DOCK4: variants seen among roughly 807,000 people sequenced by gnomAD.
The protein encoded by DOCK4 is dedicator of cytokinesis protein 4.
DOCK4 carries 97 observed loss-of-function variants against 268.1 expected under a neutral mutation model. The observed-to-expected ratio is 0.36, with a 90% CI of 0.31 to 0.43. The LOEUF is 0.43. DOCK4 is among the 20% of genes least tolerant of loss of function. The pLI, the probability that DOCK4 is intolerant of heterozygous loss-of-function variation, is 1.00. For synonymous variants in DOCK4, 954 were observed against 887.2 expected, an observed-to-expected ratio of 1.08 and a Z score of -1.34; for missense variants, 2,145 against 2,455.7, an observed-to-expected ratio of 0.87 and a Z score of 2.67.
At chr7:112,164,685 C>T (rs559761082) in intron 1 of DOCK4, among the ~76,000 whole-genome samples, 1 of 152,160 alleles carries the variant, frequency 6.6e-6, no homozygotes, top group Admixed American at 6.5e-5. Context: ...TTTTAAAAAC[C>T]TTTCTGGGGC....
At chr7:111,774,968 G>A (rs1273768972) in intron 36 of DOCK4, among the ~76,000 whole-genome samples, 5 of 152,302 alleles carry the variant, frequency 3.3e-5, no homozygotes, top group Non-Finnish European at 1.5e-5. Flanking sequence ...TAGCCTGTAG[G>A]TTGTAGTTTG....
intron 19 of DOCK4, 67 bp from the exon 20 acceptor site, chr7:111,872,157 C>G: frequency 7.1e-7 from 1 of 1,409,650 alleles, no homozygotes; most frequent in Non-Finnish European, 9.5e-7. Flanking sequence ...TTTTTTGCTT[C>G]TTTTTAAAAT....
At chr7:111,784,802 A>G (rs1340617687) in intron 32 of DOCK4, among the ~76,000 whole-genome samples, 3 of 152,226 alleles carry the variant, frequency 2.0e-5, no homozygotes, top group Non-Finnish European at 2.9e-5. Flanking sequence ...AAAAGCAAGA[A>G]CATTAAGCAT....
intron 12 of DOCK4, among the ~76,000 whole-genome samples, chr7:111,929,536 T>C (rs1794024347): frequency 6.6e-6 from 1 of 152,196 alleles, no homozygotes; most frequent in South Asian, 2.1e-4. Flanking sequence ...AAAAATCAGG[T>C]GCACTGATCA....
chr7:112,053,196 T>C (rs2135559905), intron 1 of DOCK4, among the ~76,000 whole-genome samples: 1 of 152,314 alleles, frequency 6.6e-6, no homozygotes, highest in Middle Eastern at 3.4e-3. Context: ...TATAGTACAA[T>C]ATTTGGCCAC....
chr7:112,026,793 T>TA (rs1036063520), intron 1 of DOCK4, among the ~76,000 whole-genome samples: 1 of 152,140 alleles, frequency 6.6e-6, no homozygotes, highest in Non-Finnish European at 1.5e-5. Context: ...ATCGAACCAT[T>TA]TACAGAAAGA....
intron 23 of DOCK4, among the ~76,000 whole-genome samples, chr7:111,859,683 T>A (rs1217723186): frequency 6.8e-6 from 1 of 147,732 alleles, no homozygotes; most frequent in Admixed American, 6.8e-5. Context: ...TTCTCCTGCC[T>A]CAGCCTCCCA....
chr7:111,866,981 T>C (rs1008875275), intron 22 of DOCK4, among the ~76,000 whole-genome samples: 9 of 152,186 alleles, frequency 5.9e-5, no homozygotes, highest in African/African-American at 2.2e-4. Flanking sequence ...CTCTGGCAAG[T>C]TCCCATAGTG....
In DOCK4 at chr7:111,745,683, T is replaced by TAAAAAAAA. The variant is rs781530065; in HGVS notation, c.4677+643_4677+650dup. Among the ~76,000 whole-genome samples, 7 of 49,612 alleles carry TAAAAAAAA rather than the reference T, an allele frequency of 1.4e-4. 1 individual carries two copies. Among genetic ancestry groups the TAAAAAAAA allele is most frequent in the African/African-American group, 5.4e-4 (6 of 11,012 alleles). The allele number at this position is 49,612 out of a possible 152,430, so 32.5% of individuals were successfully genotyped here. A position where few individuals can be genotyped will look rare whatever the true frequency, so the allele number is the denominator to read the frequency against. On this transcript the variant is annotated intron_variant, in intron 44 of 52. Coordinates refer to ENST00000428084, the MANE Select transcript of DOCK4 (RefSeq NM_001363540.2). ...TGGGTGACAGAGGGAGACTCCGTCT[T>TAAAAAAAA]AAAAAAAAAAAAAAAAAAAAAAAAA...
At chr7:112,089,285 T>C (rs1809402747) in intron 1 of DOCK4, among the ~76,000 whole-genome samples, 8 of 152,126 alleles carry the variant, frequency 5.3e-5, no homozygotes, top group Admixed American at 5.2e-4. Context: ...AATTAGGTTT[T>C]AATTTAAGAA....
intron 1 of DOCK4, among the ~76,000 whole-genome samples, chr7:112,151,191 A>G (rs1254141426): frequency 6.6e-6 from 1 of 152,138 alleles, no homozygotes; most frequent in Non-Finnish European, 1.5e-5. Context: ...AGGGCAATTT[A>G]GTGGTTAACG....
At chr7:111,746,938 C>T (rs568545376) in intron 43 of DOCK4, among the ~76,000 whole-genome samples, 218 of 148,822 alleles carry the variant, frequency 1.5e-3, no homozygotes, top group Middle Eastern at 3.6e-3. Context: ...CCAGATCAGA[C>T]TTTTCTATGC....
At chr7:111,779,883 G>A (rs187831272) in intron 35 of DOCK4, among the ~76,000 whole-genome samples, 1 of 152,348 alleles carries the variant, frequency 6.6e-6, no homozygotes, top group East Asian at 1.9e-4. Flanking sequence ...AAATCATTGT[G>A]CATTATGAAA....
At chr7:111,850,503 A>G (rs1409471942) in intron 23 of DOCK4, among the ~76,000 whole-genome samples, 2 of 152,166 alleles carry the variant, frequency 1.3e-5, no homozygotes, top group Non-Finnish European at 2.9e-5. Context: ...CTGTCCTCAG[A>G]GCCCAAGCTA....
At chr7:112,181,286 C>T (rs1449448447) in intron 1 of DOCK4, among the ~76,000 whole-genome samples, 1 of 152,004 alleles carries the variant, frequency 6.6e-6, no homozygotes, top group African/African-American at 2.4e-5. Context: ...GAGATATGAA[C>T]CCACGTGTAA....
chr7:112,178,021 T>C (rs1423379473), intron 1 of DOCK4, among the ~76,000 whole-genome samples: 1 of 152,196 alleles, frequency 6.6e-6, no homozygotes, highest in Non-Finnish European at 1.5e-5. Context: ...ATCAATCCAA[T>C]AAACAAATTG....
At chr7:111,876,750 T>G (rs1443371049) in intron 17 of DOCK4, among the ~76,000 whole-genome samples, 3 of 109,476 alleles carry the variant, frequency 2.7e-5, no homozygotes, top group South Asian at 2.7e-4. Context: ...GTATTTTCGT[T>G]TTTTTTTTTT....
chr7:112,170,447 T>G (rs1817990032), intron 1 of DOCK4, among the ~76,000 whole-genome samples: 1 of 151,808 alleles, frequency 6.6e-6, no homozygotes, highest in Non-Finnish European at 1.5e-5. Context: ...GGTGACAGAA[T>G]AATACCCCGT....
At chr7:112,078,717 C>T (rs532196851) in intron 1 of DOCK4, among the ~76,000 whole-genome samples, 16 of 152,282 alleles carry the variant, frequency 1.1e-4, no homozygotes, top group African/African-American at 2.9e-4. Context: ...GGCATAGGAA[C>T]GTCTGGAGAT....
Sources: gnomAD v4.1 joint callset for allele counts (sites outside exome capture counted in the v4.1 genomes callset) on GRCh38, gnomAD v4.1.1 for gene constraint, MANE v1.5 for transcripts, NCBI Gene and HGNC (gene_info 2026-07-23, HGNC 2026-07-21) for gene names.